Variants in OAT observed in about 807,000 individuals in gnomAD.
The protein encoded by OAT is ornithine aminotransferase.
In OAT, 35 loss-of-function variants were observed where a neutral mutation model predicts 48.4. The observed-to-expected ratio is 0.72, with a 90% CI of 0.55 to 0.96. The LOEUF is 0.96. Among genes scored for constraint, OAT ranks in the 40% least tolerant of loss-of-function variants. The probability of loss-of-function intolerance (pLI) is 0.00; values close to 1 mark genes in which losing one functional copy is unlikely to be tolerated. For synonymous variants in OAT, 182 were observed against 198.4 expected (o/e 0.92, Z 0.70); for missense variants, 438 against 537.9 (o/e 0.81, Z 1.84).
intron 4 of OAT, 46 bp downstream of exon 4, chr10:124,408,496 A>T (rs972611928): frequency 6.6e-7 from 1 of 1,513,994 alleles, no homozygotes; most frequent in Admixed American, 1.7e-5. Context: ...ACAGTAAATT[A>T]TATTGTATGT....
At chr10:124,398,608 AATG>A (rs1363008242) in intron 9 of OAT, among the ~76,000 whole-genome samples, 2 of 151,584 alleles carry the variant, frequency 1.3e-5, no homozygotes, top group Non-Finnish European at 2.9e-5. Context: ...ACTAGGTTTG[AATG>A]ATATGATTAG....
intron 2 of OAT, among the ~76,000 whole-genome samples, chr10:124,410,011 T>C (rs1009360648): frequency 9.2e-5 from 14 of 152,224 alleles, no homozygotes; most frequent in Admixed American, 3.3e-4. Context: ...AGATTTTCAA[T>C]AGTTCAAAAG....
At chr10:124,416,514 C>T (rs1430606421) in intron 1 of OAT, among the ~76,000 whole-genome samples, 3 of 152,164 alleles carry the variant, frequency 2.0e-5, no homozygotes, top group Admixed American at 1.3e-4. Flanking sequence ...ATCTACCTGA[C>T]GCCCATACTC....
chr10:124,418,534 G>T (rs1216939594), intron 1 of OAT, among the ~76,000 whole-genome samples: 2 of 152,232 alleles, frequency 1.3e-5, no homozygotes, highest in African/African-American at 2.4e-5. Context: ...TGGCAGGCGG[G>T]GCTGCCACAT....
Position 124,402,916 on chromosome 10 carries a change from A to T in OAT, c.900+11T>A. 2 of 1,613,374 alleles carry T rather than the reference A, an allele frequency of 1.2e-6. No homozygotes were observed. The highest frequency in any genetic ancestry group is 1.7e-6 in the Non-Finnish European group (2 of 1,179,846). On this transcript the variant is annotated intron_variant, in intron 7 of 9. Transcript: ENST00000368845. ...AGTAGGAAATGGAAAGAGGGGGAAC[A>T]TGAAACTTACAGGGTATAAGCCCCC...
chr10:124,400,363 G>A (rs1347681412), intron 9 of OAT, among the ~76,000 whole-genome samples: 1 of 150,056 alleles, frequency 6.7e-6, no homozygotes, highest in Non-Finnish European at 1.5e-5. Flanking sequence ...CAGGAGAATC[G>A]CTTGAACCGG....
At chr10:124,403,657 G>A (rs998094933) in intron 6 of OAT, 141 bp downstream of exon 6, 93 of 1,184,938 alleles carry the variant, frequency 7.8e-5, no homozygotes, top group Non-Finnish European at 1.0e-4. Flanking sequence ...GAATGCCATC[G>A]CCCTCTAGTG....
At chr10:124,402,102 G>T (rs559718815) in intron 7 of OAT, among the ~76,000 whole-genome samples, 61 of 149,010 alleles carry the variant, frequency 4.1e-4, no homozygotes, top group Non-Finnish European at 7.2e-4. Flanking sequence ...GTTTCACCAT[G>T]TTGGCCAGGC....
intron 4 of OAT, among the ~76,000 whole-genome samples, chr10:124,407,726 TA>T (rs1564735212): frequency 6.6e-6 from 1 of 152,178 alleles, no homozygotes; most frequent in Non-Finnish European, 1.5e-5. Context: ...ACTTGTTTTT[TA>T]AAAAAATAAA....
chr10:124,413,303 CACACACAT>C (rs145698433), intron 1 of OAT, among the ~76,000 whole-genome samples: 3,360 of 144,028 alleles, frequency 0.023, 113 homozygotes, highest in African/African-American at 0.086. Context: ...CACACACACA[CACACACAT>C]ATATGAGATT....
At chr10:124,417,957 G>C (rs917502567) in intron 1 of OAT, among the ~76,000 whole-genome samples, 3 of 152,218 alleles carry the variant, frequency 2.0e-5, no homozygotes, top group Admixed American at 6.5e-5. Context: ...CAGGGCGAGT[G>C]CCCAGGTGAC....
At chr10:124,403,557 G>C (rs1178812325) in intron 6 of OAT, among the ~76,000 whole-genome samples, 1 of 152,204 alleles carries the variant, frequency 6.6e-6, no homozygotes, top group Non-Finnish European at 1.5e-5. Context: ...CAGGTCTGCA[G>C]TTCTGCACAG....
intron 4 of OAT, among the ~76,000 whole-genome samples, chr10:124,408,284 AGTGTGTGTGT>A (rs71026082): frequency 1.8e-3 from 149 of 81,228 alleles, no homozygotes; most frequent in East Asian, 7.3e-3. Flanking sequence ...AAAATATATA[AGTGTGTGTGT>A]GTGTGTGTGT....
intron 1 of OAT, among the ~76,000 whole-genome samples, chr10:124,413,247 T>C (rs1951809630): frequency 6.8e-6 from 1 of 146,380 alleles, no homozygotes. Flanking sequence ...GACCAACATA[T>C]ACATACATAC....
rs144523649 is a variant in OAT, at chr10:124,402,025, G to T, written c.901-186C>A. 2.1e-3 allele frequency among the ~76,000 whole-genome samples: 310 copies of T among 148,206 alleles called. 6 individuals carry two copies. The East Asian group carries it at 0.05, about 24-fold the overall frequency. On this transcript the variant is annotated intron_variant, in intron 7 of 9. Coordinates refer to ENST00000368845, the MANE Select transcript of OAT (RefSeq NM_000274.4). The stretch of plus-strand genomic sequence containing the variant: ...GCCTCCCAAGTAGCTAGGATTACAG[G>T]TGCCCACCACCACACCACACATGTT...
intron 9 of OAT, among the ~76,000 whole-genome samples, chr10:124,398,677 T>C (rs906233383): frequency 1.5e-5 from 2 of 136,336 alleles, no homozygotes; most frequent in African/African-American, 2.9e-5. Context: ...AAAAAAAAAA[T>C]GTGCTAAGGC....
chr10:124,406,146 A>T (rs1951569677), intron 4 of OAT: 15 of 981,660 alleles, frequency 1.5e-5, no homozygotes, highest in South Asian at 4.8e-5. Context: ...AATATTTTTT[A>T]TCCATTAATA....
At position 124,405,448 on chromosome 10, in the gene OAT, C is replaced by A. The variant is rs1951546849; in HGVS notation, c.636G>T (p.Leu212=). 1.1e-5 allele frequency: 18 copies of A among 1,613,688 alleles called. No homozygotes were observed. Among genetic ancestry groups the A allele is most frequent in the Non-Finnish European group, 1.4e-5 (16 of 1,179,756 alleles). Residue 212 remains leucine (L), a synonymous_variant, in exon 5 of 10, where the codon CTG becomes CTT. Coordinates refer to ENST00000368845, the MANE Select transcript of OAT (RefSeq NM_000274.4). ...PGFDIIPYND[L]PALERALQDP... ...GCTAGTGAAATACCTCCAGTGCGGGCAGATCATTATAGGGAATGATGTCGA... is the reference window on the plus strand; with the variant it reads ...GCTAGTGAAATACCTCCAGTGCGGGAAGATCATTATAGGGAATGATGTCGA...
rs190867124 is a variant in OAT, at chr10:124,416,034, T to G, written c.-30+2839A>C. 4.7e-3 allele frequency among the ~76,000 whole-genome samples: 711 copies of G among 152,242 alleles called. 3 individuals carry two copies. Among genetic ancestry groups the G allele is most frequent in the African/African-American group, 0.016 (666 of 41,524 alleles). ...ACACTTGCATGATAACCATTAACAT[T>G]TGGTTATTTTTTCTATGCATAATTA... On this transcript the variant is annotated intron_variant, in intron 1 of 9. Coordinates refer to ENST00000368845, the MANE Select transcript of OAT (RefSeq NM_000274.4).
Sources: allele counts gnomAD v4.1 joint callset (sites outside exome capture counted in the v4.1 genomes callset), GRCh38; gene constraint gnomAD v4.1.1; transcripts MANE v1.5; gene names NCBI Gene and HGNC (gene_info 2026-07-23, HGNC 2026-07-21).